CRIM1: variants seen among roughly 807,000 people sequenced by gnomAD.
The protein encoded by CRIM1 is cysteine rich transmembrane BMP regulator 1.
A neutral mutation model predicts 116.4 loss-of-function variants in CRIM1; 32 were observed. That is an observed-to-expected ratio of 0.27 (90% confidence interval 0.21 to 0.37). The LOEUF (loss-of-function observed/expected upper bound fraction) is 0.37. Ranked by LOEUF, CRIM1 falls within the 10% of genes least tolerant of loss-of-function variation. The pLI is 1.00. For synonymous variants in CRIM1, 590 were observed against 509.2 expected (o/e 1.16, Z -2.13); for missense variants, 1,331 against 1,354.8 (o/e 0.98, Z 0.28).
intron 1 of CRIM1, among the ~76,000 whole-genome samples, chr2:36,391,660 A>G (rs1355473265): frequency 6.6e-6 from 1 of 152,192 alleles, no homozygotes; most frequent in Non-Finnish European, 1.5e-5. Flanking sequence ...TTAGAACAGC[A>G]GTTCTCAAAG....
chr2:36,419,051 T>C (rs945383579), intron 2 of CRIM1, among the ~76,000 whole-genome samples: 5 of 152,196 alleles, frequency 3.3e-5, no homozygotes, highest in African/African-American at 1.2e-4. Flanking sequence ...ACAGTATCCC[T>C]GTAATAAATA....
intron 13 of CRIM1, among the ~76,000 whole-genome samples, chr2:36,528,775 A>C (rs567818058): frequency 6.6e-6 from 1 of 152,206 alleles, no homozygotes; most frequent in Admixed American, 6.5e-5. Flanking sequence ...AGAGTATAAA[A>C]ATGAAAACAT....
At chr2:36,405,186 T>C (rs1672694510) in intron 2 of CRIM1, among the ~76,000 whole-genome samples, 2 of 152,218 alleles carry the variant, frequency 1.3e-5, no homozygotes, top group African/African-American at 2.4e-5. Context: ...GTATTTTTTA[T>C]GTGCGTGGGA....
At chr2:36,377,149 C>T (rs1486704323) in intron 1 of CRIM1, among the ~76,000 whole-genome samples, 3 of 152,224 alleles carry the variant, frequency 2.0e-5, no homozygotes, top group African/African-American at 7.2e-5. Context: ...AGCTCAGGGG[C>T]GCTGTCCAGC....
At chr2:36,484,587 C>T (rs1260980808) in intron 7 of CRIM1, among the ~76,000 whole-genome samples, 1 of 152,152 alleles carries the variant, frequency 6.6e-6, no homozygotes, top group Non-Finnish European at 1.5e-5. Context: ...GAGATTAGAG[C>T]TTCCTGGGGA....
At chr2:36,431,988 C>T (rs1381172776) in intron 2 of CRIM1, among the ~76,000 whole-genome samples, 1 of 152,216 alleles carries the variant, frequency 6.6e-6, no homozygotes, top group East Asian at 1.9e-4. Context: ...ATGGATGCCA[C>T]CTTCCGGTAA....
At chr2:36,418,900 G>A (rs554677002) in intron 2 of CRIM1, among the ~76,000 whole-genome samples, 45 of 152,250 alleles carry the variant, frequency 3.0e-4, no homozygotes, top group African/African-American at 8.9e-4. Context: ...TGGTCCCAGC[G>A]CTGTCTTAGG....
chr2:36,531,863 T>C (rs563208750), intron 13 of CRIM1: 4 of 470,172 alleles, frequency 8.5e-6, no homozygotes, highest in African/African-American at 2.0e-5. Context: ...ATTGCTCATA[T>C]CTGAATCCCA....
chr2:36,374,861 G>GT (rs35600177), intron 1 of CRIM1, among the ~76,000 whole-genome samples: 116 of 149,276 alleles, frequency 7.8e-4, no homozygotes, highest in Middle Eastern at 3.5e-3. Context: ...GGCTCTTGAT[G>GT]TTTTTTTTTT....
chr2:36,360,154 T>TGTC (rs1669124613), intron 1 of CRIM1, among the ~76,000 whole-genome samples: 4 of 152,212 alleles, frequency 2.6e-5, no homozygotes, highest in African/African-American at 9.6e-5. Flanking sequence ...TTCTCCCATG[T>TGTC]GTCATAGCGC....
chr2:36,525,269 C>T (rs975849326), intron 13 of CRIM1, among the ~76,000 whole-genome samples: 4 of 152,080 alleles, frequency 2.6e-5, no homozygotes, highest in African/African-American at 7.2e-5. Context: ...CTTATCTAGC[C>T]CTGCTATATC....
chr2:36,396,751 C>G lies in CRIM1; in HGVS notation c.469C>G (p.Gln157Glu). ...TCSNPFEFPS[Q>E]DMCLSALKRI... ...CAGCAATCCCTTTGAGTTTCCAAGT[C>G]AGGATATGTGCCTTTCAGCTTTAAA... Residue 157 changes from glutamine (Q) to glutamate (E), a missense_variant, in exon 2 of 17, where the codon CAG becomes GAG. By Grantham distance (29) the Gln-to-Glu change is conservative (BLOSUM62 2). Transcript: ENST00000280527. The G allele has an allele frequency of 6.2e-7, 1 of 1,613,408 alleles. No individual in the cohort carries two copies. The highest frequency in any genetic ancestry group is 8.5e-7 in the Non-Finnish European group (1 of 1,179,440).
Position 36,445,890 on chromosome 2 carries a change from G to A in CRIM1, c.869+3155G>A, listed in dbSNP as rs143935313. Among the ~76,000 whole-genome samples, 596 of 152,182 alleles carry A rather than the reference G, an allele frequency of 3.9e-3. 3 individuals are homozygous for A. Among genetic ancestry groups the A allele is most frequent in the African/African-American group, 0.014 (566 of 41,502 alleles). ...CATGTCAAATGTCCACTCTTTAAGA[G>A]CATATTTAGGCATAAAGAAGAAGAT... On this transcript the variant is annotated intron_variant, in intron 4 of 16. Transcript: ENST00000280527.
At chr2:36,373,243 G>A (rs535177489) in intron 1 of CRIM1, among the ~76,000 whole-genome samples, 1 of 152,314 alleles carries the variant, frequency 6.6e-6, no homozygotes, top group African/African-American at 2.4e-5. Context: ...TCAGACATTA[G>A]TAGAGTAAAT....
chr2:36,452,876 G>A (rs980759642), intron 4 of CRIM1, among the ~76,000 whole-genome samples: 7 of 152,114 alleles, frequency 4.6e-5, no homozygotes, highest in Non-Finnish European at 7.4e-5. Flanking sequence ...ACTGAATTCC[G>A]TAAGCCTTTC....
At chr2:36,481,309 C>T (rs1220893149) in intron 7 of CRIM1, among the ~76,000 whole-genome samples, 1 of 152,112 alleles carries the variant, frequency 6.6e-6, no homozygotes, top group Non-Finnish European at 1.5e-5. Flanking sequence ...CATTTATTAC[C>T]ATTTTCTTAG....
chr2:36,366,081 A>G (rs1669585467), intron 1 of CRIM1, among the ~76,000 whole-genome samples: 2 of 152,196 alleles, frequency 1.3e-5, no homozygotes, highest in African/African-American at 4.8e-5. Flanking sequence ...AATAAGTATC[A>G]TTTTTATCCA....
At chr2:36,532,590 A>G (rs1666189936) in intron 13 of CRIM1, among the ~76,000 whole-genome samples, 1 of 152,186 alleles carries the variant, frequency 6.6e-6, no homozygotes, top group African/African-American at 2.4e-5. Flanking sequence ...AGTGAGAAGT[A>G]ACAGCTTGTT....
chr2:36,459,291 T>A (rs1305338912), intron 4 of CRIM1, among the ~76,000 whole-genome samples: 1 of 152,166 alleles, frequency 6.6e-6, no homozygotes, highest in Admixed American at 6.5e-5. Context: ...ATCTGCATTT[T>A]AAACACATTC....
Sources: allele counts gnomAD v4.1 joint callset (sites outside exome capture counted in the v4.1 genomes callset), GRCh38; gene constraint gnomAD v4.1.1; transcripts MANE v1.5; gene names NCBI Gene and HGNC (gene_info 2026-07-23, HGNC 2026-07-21).